Variants in ZNF716 observed in about 807,000 individuals in gnomAD.
ZNF716 encodes zinc finger protein 716.
Under a neutral mutation model 13.4 loss-of-function variants are expected in ZNF716, and 9 were observed. The ratio of observed to expected loss-of-function variants is 0.67; its 90% confidence interval spans 0.41 to 1.18. ZNF716 has a LOEUF of 1.18. Among genes scored for constraint, ZNF716 ranks in the 50% most tolerant of loss-of-function variants. The pLI, the probability that ZNF716 is intolerant of heterozygous loss-of-function variation, is 0.01. For missense variants in ZNF716, 581 were observed against 576.6 expected, an observed-to-expected ratio of 1.01 and a Z score of -0.08; for synonymous variants, 186 against 195.2, an observed-to-expected ratio of 0.95 and a Z score of 0.39.
At chr7:57,459,304 C>CTTAACAAACATTTTA (rs371442193) in intron 1 of ZNF716, among the ~76,000 whole-genome samples, 3 of 147,626 alleles carry the variant, frequency 2.0e-5, no homozygotes, top group African/African-American at 7.5e-5. Flanking sequence ...ACAGTACCTG[C>CTTAACAAACATTTTA]TTAGTACATG....
chr7:57,470,007 A>C lies in ZNF716; in HGVS notation c.*58A>C, dbSNP rs73347709. ...ACATAAAATAATTTATACTGGAAAA[A>C]ATCACTACAAGTGTGGAGAATGTGG... is the stretch of plus-strand genomic sequence containing the variant. On this transcript the variant is annotated 3_prime_UTR_variant, in exon 4 of 4. Coordinates refer to ENST00000420713, the MANE Select transcript of ZNF716 (RefSeq NM_001159279.1). The C allele has an allele frequency of 4.3e-3, 6,259 of 1,441,796 alleles. 239 individuals carry two copies. The African/African-American group carries it at 0.078, about 18-fold the overall frequency. The allele number at this position is 1,441,796 out of a possible 1,614,324, so 89.3% of individuals were successfully genotyped here. A position where few individuals can be genotyped will look rare whatever the true frequency, so the allele number is the denominator to read the frequency against.
chr7:57,459,261 C>T (rs1447266892), intron 1 of ZNF716, among the ~76,000 whole-genome samples: 3 of 151,418 alleles, frequency 2.0e-5, no homozygotes, highest in African/African-American at 7.3e-5. Flanking sequence ...GTGTTATTCC[C>T]AGCACAGTGT....
chr7:57,454,742 C>T (rs1404720339), intron 1 of ZNF716, among the ~76,000 whole-genome samples: 2 of 151,998 alleles, frequency 1.3e-5, no homozygotes, highest in East Asian at 1.9e-4. Context: ...TTCTGAATCC[C>T]GGCCGGGAGT....
intron 3 of ZNF716, among the ~76,000 whole-genome samples, chr7:57,467,192 CTAAT>C (rs1206335875): frequency 6.6e-6 from 1 of 151,958 alleles, no homozygotes; most frequent in African/African-American, 2.4e-5. Context: ...ATTAATGTCA[CTAAT>C]TATATCTTTT....
rs1236660866 is a variant in ZNF716, at chr7:57,471,757, C to T, written c.*1808C>T. 2.6e-5 allele frequency: 4 copies of T among 151,932 alleles called. No homozygotes were observed. The highest frequency in any genetic ancestry group is 5.9e-5 in the Non-Finnish European group (4 of 67,984). The allele number at this position is 151,932 out of a possible 1,614,324, so 9.4% of individuals were successfully genotyped here. On this transcript the variant is annotated 3_prime_UTR_variant, in exon 4 of 4. Transcript: ENST00000420713. ...AGTAAATGGGGAAAATATGTTTAATCAAAAATTAAGTCTACATAAACATTT... is the reference window on the plus strand; with the variant it reads ...AGTAAATGGGGAAAATATGTTTAATTAAAAATTAAGTCTACATAAACATTT...
chr7:57,466,293 A>G (rs1447828866), intron 3 of ZNF716, among the ~76,000 whole-genome samples: 4 of 152,202 alleles, frequency 2.6e-5, no homozygotes, highest in Admixed American at 2.6e-4. Flanking sequence ...GGAGTTCTGC[A>G]TATGTCTGTT....
chr7:57,450,708 C>T (rs1173326846), intron 1 of ZNF716, among the ~76,000 whole-genome samples: 3 of 151,680 alleles, frequency 2.0e-5, no homozygotes, highest in Non-Finnish European at 4.4e-5. Flanking sequence ...CCTAGTTCCT[C>T]ATTTTTTCTT....
intron 1 of ZNF716, among the ~76,000 whole-genome samples, chr7:57,451,965 C>G (rs1481663099): frequency 6.6e-6 from 1 of 151,830 alleles, no homozygotes; most frequent in African/African-American, 2.4e-5. Flanking sequence ...TGGGGTTTCA[C>G]CATTTTGGCC....
intron 1 of ZNF716, among the ~76,000 whole-genome samples, chr7:57,456,951 G>A (rs1554322226): frequency 6.6e-6 from 1 of 152,090 alleles, no homozygotes; most frequent in Non-Finnish European, 1.5e-5. Context: ...AAAAGGAATT[G>A]TGATAACAGA....
rs1216294665 is a variant in ZNF716 at position 57,471,592 on chromosome 7, T to C, written c.*1643T>C. On this transcript the variant is annotated 3_prime_UTR_variant, in exon 4 of 4. Transcript: ENST00000420713. ...CACATTTTATATCAAAGGAAAACCCTGAAACAGATGCTCAAACTTTGTTGA... is the reference window on the plus strand; with the variant it reads ...CACATTTTATATCAAAGGAAAACCCCGAAACAGATGCTCAAACTTTGTTGA... The C allele has an allele frequency of 6.6e-6, 1 of 152,120 alleles. No individual in the cohort carries two copies. Among genetic ancestry groups the C allele is most frequent in the Admixed American group, 6.6e-5 (1 of 15,264 alleles). 9.4% of individuals were successfully genotyped at this position (152,120 alleles called of 1,614,324 possible).
chr7:57,450,234 T>G lies in ZNF716; in HGVS notation c.-55T>G. On this transcript the variant is annotated 5_prime_UTR_variant, in exon 1 of 4. Coordinates refer to ENST00000420713, the MANE Select transcript of ZNF716 (RefSeq NM_001159279.1). ...CTTCTCTTCACTGCTCTGCGTCCTC[T>G]GCTCCTGGAGGCCAAGCCTCTGTGG... 6.2e-7 allele frequency: 1 copy of G among 1,612,578 alleles called. No individual in the cohort carries two copies. The highest frequency in any genetic ancestry group is 8.5e-7 in the Non-Finnish European group (1 of 1,179,048).
At chr7:57,450,460 C>T in intron 1 of ZNF716, 133 bp downstream of exon 1, 1 of 1,518,228 alleles carries the variant, frequency 6.6e-7, no homozygotes. Flanking sequence ...CTTGTCCCAG[C>T]TCGGCTCTTA....
chr7:57,470,144 T>A lies in ZNF716; in HGVS notation c.*195T>A. On this transcript the variant is annotated 3_prime_UTR_variant, in exon 4 of 4. Coordinates refer to ENST00000420713, the MANE Select transcript of ZNF716 (RefSeq NM_001159279.1). ...ACAGCCTTTAACCACCCCTCAAACCTTAATGAACCCAAGAGAATTTATTTA... is the reference window on the plus strand; with the variant it reads ...ACAGCCTTTAACCACCCCTCAAACCATAATGAACCCAAGAGAATTTATTTA... 1 of 554,574 alleles carries A rather than the reference T, an allele frequency of 1.8e-6. No individual in the cohort carries two copies. The highest frequency in any genetic ancestry group is 2.9e-6 in the Non-Finnish European group (1 of 347,064). 34.4% of individuals were successfully genotyped at this position (554,574 alleles called of 1,614,324 possible).
Position 57,462,441 on chromosome 7 carries a change from G to C in ZNF716, c.40-19G>C. The stretch of plus-strand genomic sequence containing the variant: ...GTGTTCATGAGTGTTTTTTTTGTTT[G>C]TTTATTTTTTGTTTTTAGGGACTGT... On this transcript the variant is annotated intron_variant, in intron 1 of 3. Transcript: ENST00000420713. The C allele has an allele frequency of 2.5e-6, 4 of 1,609,768 alleles. No individual in the cohort carries two copies. The highest frequency in any genetic ancestry group is 3.4e-6 in the Non-Finnish European group (4 of 1,178,126).
Position 57,469,947 on chromosome 7 carries a change from T to C in ZNF716, c.1486T>C (p.Ter496GlnextTer60). 1.3e-6 allele frequency: 2 copies of C among 1,548,150 alleles called. No homozygotes were observed. Among genetic ancestry groups the C allele is most frequent in the Non-Finnish European group, 1.7e-6 (2 of 1,147,152 alleles). Residue 496 changes from the stop codon to glutamine, a stop_lost, in exon 4 of 4, where the codon TAA becomes CAA. Transcript: ENST00000420713. Reference sequence around the variant, plus strand: ...TGGAGAGAAACCCTACAAATATGAATAATGTGGTAAAGTCCAGCCCTCAGG... The same window carrying C: ...TGGAGAGAAACCCTACAAATATGAACAATGTGGTAAAGTCCAGCCCTCAGG... ...HTGEKPYKYE[*>Q] is the part of the protein sequence containing the mutation.
In ZNF716 at chr7:57,469,159, G is replaced by T. The variant is rs782597694; in HGVS notation, c.698G>T (p.Arg233Ile). The change falls in exon 4 of 4, where the codon AGA becomes ATA. Residue 233 changes from arginine (R) to isoleucine (I), a missense_variant. Physicochemically the swap from Arg to Ile is moderately conservative, Grantham distance 97. Transcript: ENST00000420713. ...TCTTCAACCCTTACTAGACATAAAAGAATTCATACTGGAGAGAAACCCTAC... is the reference window on the plus strand; with the variant it reads ...TCTTCAACCCTTACTAGACATAAAATAATTCATACTGGAGAGAAACCCTAC... ...NCSSTLTRHK[R>I]IHTGEKPYRC... 6.8e-6 allele frequency: 11 copies of T among 1,611,750 alleles called. No homozygotes were observed. The highest frequency in any genetic ancestry group is 6.7e-5 in the Admixed American group (4 of 59,624).
rs1554323426 is a variant in ZNF716, at chr7:57,463,087, A to G, written c.181A>G (p.Lys61Glu). The G allele has an allele frequency of 1.2e-6, 2 of 1,610,542 alleles. No homozygotes were observed. The highest frequency in any genetic ancestry group is 1.7e-6 in the Non-Finnish European group (2 of 1,179,916). ...TAATAAAACAGGTATTGCTGTCTCT[A>G]AGCCAGACTTGATCACCTGTCTGGA... ...NLVSLGIAVS[K>E]PDLITCLEQN... The change falls in exon 3 of 4, where the codon AAG (lysine) becomes GAG (glutamate). Residue 61 changes from lysine (K) to glutamate (E), a missense_variant. By Grantham distance (56) the Lys-to-Glu change is moderately conservative. Coordinates refer to ENST00000420713, the MANE Select transcript of ZNF716 (RefSeq NM_001159279.1).
At chr7:57,451,349 T>A (rs1789489802) in intron 1 of ZNF716, among the ~76,000 whole-genome samples, 1 of 151,716 alleles carries the variant, frequency 6.6e-6, no homozygotes, top group Admixed American at 6.6e-5. Flanking sequence ...TTTTTTTTTT[T>A]AAGTGAGAGC....
chr7:57,462,959 C>A, intron 2 of ZNF716, 114 bp from the exon 3 acceptor site: 2 of 1,388,790 alleles, frequency 1.4e-6, no homozygotes, highest in South Asian at 1.4e-5. Flanking sequence ...TGTTACGAAT[C>A]AATCTTAATT....
Sources: allele counts gnomAD v4.1 joint callset (sites outside exome capture counted in the v4.1 genomes callset), GRCh38; gene constraint gnomAD v4.1.1; transcripts MANE v1.5; gene names NCBI Gene and HGNC (gene_info 2026-07-23, HGNC 2026-07-21).